Variants in TEAD1 observed in about 807,000 individuals in gnomAD.
TEAD1 encodes the protein TEA domain transcription factor 1.
Under a neutral mutation model 54.9 loss-of-function variants are expected in TEAD1, and 9 were observed. The observed-to-expected ratio is 0.16, with a 90% CI of 0.10 to 0.29. TEAD1 has a LOEUF of 0.29. Ranked by LOEUF, TEAD1 falls within the 10% of genes least tolerant of loss-of-function variation. The pLI is 1.00. For missense variants in TEAD1, 387 were observed against 535.9 expected (o/e 0.72, Z 2.74); for synonymous variants, 200 against 187.8 (o/e 1.07, Z -0.53).
chr11:12,888,500 A>G (rs749043077), intron 9 of TEAD1, among the ~76,000 whole-genome samples: 13 of 151,926 alleles, frequency 8.6e-5, no homozygotes, highest in Non-Finnish European at 1.9e-4. Context: ...CAAGAGTGAA[A>G]CTCCATCTGA....
At chr11:12,686,770 A>G (rs562534069) in intron 2 of TEAD1, among the ~76,000 whole-genome samples, 1 of 152,376 alleles carries the variant, frequency 6.6e-6, no homozygotes, top group South Asian at 2.1e-4. Flanking sequence ...AAGAAATTTT[A>G]GTACTTTTAG....
At chr11:12,675,144 C>T (rs1186282398) in intron 1 of TEAD1, among the ~76,000 whole-genome samples, 3 of 149,712 alleles carry the variant, frequency 2.0e-5, no homozygotes, top group African/African-American at 4.9e-5. Flanking sequence ...TCTCCCGCCG[C>T]CTGCACGCGC....
intron 2 of TEAD1, among the ~76,000 whole-genome samples, chr11:12,760,710 AT>A (rs1295171581): frequency 6.6e-6 from 1 of 152,172 alleles, no homozygotes; most frequent in Non-Finnish European, 1.5e-5. Context: ...AATTCCACAC[AT>A]TTTTAGGGTT....
chr11:12,902,523 G>A (rs1335105427), intron 10 of TEAD1, among the ~76,000 whole-genome samples: 1 of 152,220 alleles, frequency 6.6e-6, no homozygotes, highest in African/African-American at 2.4e-5. Flanking sequence ...CTTTGCTGAT[G>A]TTCCAGAGCC....
At chr11:12,805,906 G>A (rs750482744) in intron 3 of TEAD1, among the ~76,000 whole-genome samples, 1 of 152,042 alleles carries the variant, frequency 6.6e-6, no homozygotes, top group Non-Finnish European at 1.5e-5. Flanking sequence ...TTTTCACTAG[G>A]AATTTTGCTG....
At chr11:12,694,224 G>C (rs1038246457) in intron 2 of TEAD1, among the ~76,000 whole-genome samples, 1 of 152,148 alleles carries the variant, frequency 6.6e-6, no homozygotes, top group Non-Finnish European at 1.5e-5. Flanking sequence ...GAAAGCTCTG[G>C]ATTCCATATG....
Position 12,883,069 on chromosome 11 carries a change from A to G in TEAD1, c.643A>G (p.Lys215Glu). The G allele has an allele frequency of 1.2e-6, 2 of 1,614,078 alleles. No individual in the cohort carries two copies. Among genetic ancestry groups the G allele is most frequent in the Non-Finnish European group, 1.7e-6 (2 of 1,180,024 alleles). ...GCAAGGTCGCTCCATTGGCACAACC[A>G]AGCTTCGCCTGGTGGAATTTTCAGC... is the stretch of plus-strand genomic sequence containing the variant. Residue 215 changes from lysine (K) to glutamate (E), a missense_variant, in exon 9 of 13, where the codon AAG (lysine) becomes GAG (glutamate). By Grantham distance (56) the Lys-to-Glu change is moderately conservative. This residue lies in a region of TEAD1 where 180 missense variants were observed against 180.6 expected (regional missense o/e 1.00). Coordinates refer to ENST00000527636, the MANE Select transcript of TEAD1 (RefSeq NM_021961.6).
chr11:12,690,264 TAATA>T (rs1257016166), intron 2 of TEAD1, among the ~76,000 whole-genome samples: 3 of 139,390 alleles, frequency 2.2e-5, no homozygotes, highest in Admixed American at 7.2e-5. Flanking sequence ...AAAAAAAAAA[TAATA>T]AGCCCTTAAT....
chr11:12,736,128 G>A (rs528311944), intron 2 of TEAD1, among the ~76,000 whole-genome samples: 1 of 152,126 alleles, frequency 6.6e-6, no homozygotes, highest in African/African-American at 2.4e-5. Context: ...GTTTACTCTG[G>A]CAAGTAGTTT....
intron 2 of TEAD1, among the ~76,000 whole-genome samples, chr11:12,695,344 C>G (rs945435923): frequency 2.6e-5 from 4 of 152,176 alleles, no homozygotes; most frequent in African/African-American, 9.7e-5. Flanking sequence ...ATATATTACT[C>G]TCATTAACAT....
At chr11:12,726,359 T>C (rs539289567) in intron 2 of TEAD1, among the ~76,000 whole-genome samples, 1 of 152,320 alleles carries the variant, frequency 6.6e-6, no homozygotes, top group South Asian at 2.1e-4. Flanking sequence ...TAAAAGGTTG[T>C]ATGTGCTTGG....
At chr11:12,783,773 G>T (rs1191181709) in intron 3 of TEAD1, among the ~76,000 whole-genome samples, 1 of 152,198 alleles carries the variant, frequency 6.6e-6, no homozygotes, top group East Asian at 1.9e-4. Flanking sequence ...GTGTTTTCAG[G>T]AGTAGTAAGG....
At chr11:12,855,288 CTTTCTTT>C (rs1233852495) in intron 3 of TEAD1, among the ~76,000 whole-genome samples, 1 of 150,750 alleles carries the variant, frequency 6.6e-6, no homozygotes, top group Non-Finnish European at 1.5e-5. Context: ...TTTTTTCTTT[CTTTCTTT>C]TTTCTTTTTT....
At chr11:12,872,400 A>G (rs11022522) in intron 5 of TEAD1, among the ~76,000 whole-genome samples, 34,458 of 152,168 alleles carry the variant, frequency 0.23, 5,433 homozygotes, top group East Asian at 0.71. Context: ...AAATGATATA[A>G]TCTTTCCTGG....
intron 3 of TEAD1, among the ~76,000 whole-genome samples, chr11:12,838,019 A>T (rs1348804166): frequency 6.6e-6 from 1 of 150,546 alleles, no homozygotes; most frequent in Non-Finnish European, 1.5e-5. Flanking sequence ...CTGGTCTCGA[A>T]CTCCTGACCT....
chr11:12,772,240 G>T (rs1945327018), intron 3 of TEAD1, among the ~76,000 whole-genome samples: 1 of 152,222 alleles, frequency 6.6e-6, no homozygotes, highest in African/African-American at 2.4e-5. Flanking sequence ...GTTTGACCAT[G>T]CATGGAAGGA....
intron 9 of TEAD1, among the ~76,000 whole-genome samples, chr11:12,894,224 AT>A (rs1564980798): frequency 6.6e-6 from 1 of 152,152 alleles, no homozygotes; most frequent in Non-Finnish European, 1.5e-5. Flanking sequence ...AATACTTAGA[AT>A]TTTTGGAACA....
chr11:12,930,207 G>T lies in TEAD1; in HGVS notation c.1048G>T (p.Val350Leu), dbSNP rs1017713073. Residue 350 changes from valine (V) to leucine (L), a missense_variant, in exon 12 of 13, where the codon GTA becomes TTA. Physicochemically the swap from Val to Leu is conservative, Grantham distance 32 (BLOSUM62 1). This residue lies in a region of TEAD1 where 123 missense variants were observed against 199.0 expected (regional missense o/e 0.62). Coordinates refer to ENST00000527636, the MANE Select transcript of TEAD1 (RefSeq NM_021961.6). ...TGCAAGGTTTGAGAATGGCCGATTT[G>T]TATACCGAATAAACCGCTCCCCAAT... is the stretch of plus-strand genomic sequence containing the variant. 1 of 1,614,048 alleles carries T rather than the reference G, an allele frequency of 6.2e-7. No homozygotes were observed.
chr11:12,692,732 T>C (rs1943488127), intron 2 of TEAD1, among the ~76,000 whole-genome samples: 1 of 152,132 alleles, frequency 6.6e-6, no homozygotes, highest in Non-Finnish European at 1.5e-5. Context: ...CTCCCTAACA[T>C]AGTGGAGGCT....
Sources: gnomAD v4.1 joint callset for allele counts (sites outside exome capture counted in the v4.1 genomes callset) on GRCh38, gnomAD v4.1.1 for gene constraint, gnomAD v4.1.1 regional missense constraint, MANE v1.5 for transcripts, NCBI Gene and HGNC (gene_info 2026-07-23, HGNC 2026-07-21) for gene names.